USP49: variants seen among roughly 807,000 people sequenced by gnomAD.
The protein encoded by USP49 is ubiquitin specific peptidase 49.
Under a neutral mutation model 58.6 loss-of-function variants are expected in USP49, and 24 were observed. That is an observed-to-expected ratio of 0.41 (90% CI 0.30 to 0.58). The LOEUF (loss-of-function observed/expected upper bound fraction) is 0.58. Among genes scored for constraint, USP49 ranks in the 20% least tolerant of loss-of-function variants. The pLI is 0.30. For missense variants in USP49, 703 were observed against 866.1 expected, an observed-to-expected ratio of 0.81 and a Z score of 2.36; for synonymous variants, 408 against 365.1, an observed-to-expected ratio of 1.12 and a Z score of -1.34.
intron 3 of USP49, among the ~76,000 whole-genome samples, chr6:41,850,445 A>C (rs1206481917): frequency 2.7e-5 from 4 of 150,864 alleles, no homozygotes; most frequent in Non-Finnish European, 4.4e-5. Context: ...TCAGCCTCTA[A>C]GGAAAGAAAA....
Position 41,802,448 on chromosome 6 carries a change from A to ATTTTTT in USP49, c.1561+1357_1561+1358insAAAAAA, listed in dbSNP as rs1363216201. On this transcript the variant is annotated intron_variant, in intron 5 of 7. Coordinates refer to ENST00000682992, the MANE Select transcript of USP49 (RefSeq NM_001286554.2). The stretch of plus-strand genomic sequence containing the variant: ...TTTTATTTTATTTATTTATTTATTT[A>ATTTTTT]TTTATTTATTTATTTATTTATTTTT... 1.1e-4 allele frequency among the ~76,000 whole-genome samples: 6 copies of ATTTTTT among 53,334 alleles called. 1 individual carries two copies. Among genetic ancestry groups the ATTTTTT allele is most frequent in the South Asian group, 6.7e-4 (1 of 1,490 alleles). 35.0% of individuals were successfully genotyped at this position (53,334 alleles called of 152,430 possible).
At chr6:41,814,387 AT>A (rs1773312778) in intron 3 of USP49, among the ~76,000 whole-genome samples, 1 of 152,188 alleles carries the variant, frequency 6.6e-6, no homozygotes, top group Non-Finnish European at 1.5e-5. Context: ...TCTTTTCAAC[AT>A]TTATCTTTTG....
intron 3 of USP49, among the ~76,000 whole-genome samples, chr6:41,821,126 T>TA (rs1322866648): frequency 6.6e-6 from 1 of 152,226 alleles, no homozygotes; most frequent in African/African-American, 2.4e-5. Context: ...GGTTATGAGA[T>TA]ACTCTTCATT....
chr6:41,838,101 G>A (rs539100469), intron 3 of USP49, among the ~76,000 whole-genome samples: 1 of 152,148 alleles, frequency 6.6e-6, no homozygotes, highest in Admixed American at 6.5e-5. Flanking sequence ...CCCATTATTG[G>A]TTATATACCC....
intron 3 of USP49, among the ~76,000 whole-genome samples, chr6:41,838,477 GGGCC>G (rs758791351): frequency 1.3e-5 from 2 of 152,296 alleles, no homozygotes; most frequent in Non-Finnish European, 1.5e-5. Context: ...AACCAGCCCA[GGGCC>G]TGGTAGCTCC....
chr6:41,810,546 T>A (rs1581996531), intron 3 of USP49, among the ~76,000 whole-genome samples: 1 of 48,456 alleles, frequency 2.1e-5, no homozygotes. Flanking sequence ...TAAAGATAGT[T>A]CCTCTTTTTT....
rs1022119894 is a variant in USP49, at chr6:41,791,806, T to G, written c.*4727A>C. The stretch of plus-strand genomic sequence containing the variant: ...GGCCCAACAGAACAGTTACTAAATG[T>G]AAGATACAAACTAAACTCACAGTCA... On this transcript the variant is annotated 3_prime_UTR_variant, in exon 8 of 8. Coordinates refer to ENST00000682992, the MANE Select transcript of USP49 (RefSeq NM_001286554.2). The G allele has an allele frequency of 6.6e-6, 1 of 152,232 alleles. No homozygotes were observed. 9.4% of individuals were successfully genotyped at this position (152,232 alleles called of 1,614,324 possible). A position where few individuals can be genotyped will look rare whatever the true frequency, so the allele number is the denominator to read the frequency against.
At chr6:41,866,101 T>C (rs993813131) in intron 3 of USP49, among the ~76,000 whole-genome samples, 4 of 151,754 alleles carry the variant, frequency 2.6e-5, no homozygotes, top group African/African-American at 7.3e-5. Context: ...TTTGTATTTT[T>C]AGTAGAGACA....
At chr6:41,892,115 T>C (rs1052406139) in intron 1 of USP49, among the ~76,000 whole-genome samples, 3 of 152,204 alleles carry the variant, frequency 2.0e-5, no homozygotes, top group Non-Finnish European at 2.9e-5. Context: ...GACTGAGAAA[T>C]AACCATTGAC....
chr6:41,838,583 T>C (rs1436506554), intron 3 of USP49, among the ~76,000 whole-genome samples: 1 of 152,190 alleles, frequency 6.6e-6, no homozygotes, highest in African/African-American at 2.4e-5. Flanking sequence ...GAGCACCACA[T>C]CAAGGGATCA....
At chr6:41,840,675 C>T (rs896226786) in intron 3 of USP49, among the ~76,000 whole-genome samples, 6 of 152,164 alleles carry the variant, frequency 3.9e-5, no homozygotes, top group African/African-American at 1.2e-4. Flanking sequence ...TAAACTATTG[C>T]TATTTTTGTT....
At chr6:41,809,775 C>T (rs181222821) in intron 3 of USP49, among the ~76,000 whole-genome samples, 44 of 151,610 alleles carry the variant, frequency 2.9e-4, no homozygotes, top group Non-Finnish European at 5.2e-4. Context: ...TGCAGTGAGC[C>T]GAGATTGCGC....
Position 41,791,182 on chromosome 6 carries a change from A to G in USP49, c.*5351T>C, listed in dbSNP as rs1329958315. On this transcript the variant is annotated 3_prime_UTR_variant, in exon 8 of 8. Transcript: ENST00000682992. The stretch of plus-strand genomic sequence containing the variant: ...AAAAGCATAATTCAAATTTCATTCA[A>G]AATTTACTGTTTTGGCTTCAAGTAA... 6.6e-6 allele frequency: 1 copy of G among 152,272 alleles called. No individual in the cohort carries two copies. Among genetic ancestry groups the G allele is most frequent in the Non-Finnish European group, 1.5e-5 (1 of 68,044 alleles). The allele number at this position is 152,272 out of a possible 1,614,324, so 9.4% of individuals were successfully genotyped here.
At chr6:41,797,190 G>A (rs1172828373) in intron 7 of USP49, among the ~76,000 whole-genome samples, 1 of 152,058 alleles carries the variant, frequency 6.6e-6, no homozygotes, top group African/African-American at 2.4e-5. Context: ...TCGACCTCCT[G>A]ACCTCGTGAT....
intron 3 of USP49, among the ~76,000 whole-genome samples, chr6:41,822,613 C>T (rs1177977819): frequency 6.6e-6 from 1 of 152,034 alleles, no homozygotes; most frequent in Non-Finnish European, 1.5e-5. Flanking sequence ...TTTGGGAGGC[C>T]GACGTGGGCG....
At chr6:41,877,287 T>C (rs1163865120) in intron 2 of USP49, among the ~76,000 whole-genome samples, 1 of 152,208 alleles carries the variant, frequency 6.6e-6, no homozygotes, top group Non-Finnish European at 1.5e-5. Context: ...TTGACTACGA[T>C]TCAGAATAAT....
chr6:41,891,777 G>A lies in USP49; in HGVS notation c.-103+17C>T, dbSNP rs1273147095. 1 of 152,164 alleles carries A rather than the reference G, an allele frequency of 6.6e-6. No homozygotes were observed. The highest frequency in any genetic ancestry group is 1.5e-5 in the Non-Finnish European group (1 of 68,026). 9.4% of individuals were successfully genotyped at this position (152,164 alleles called of 1,614,324 possible). On this transcript the variant is annotated intron_variant, in intron 2 of 7. Transcript: ENST00000682992. The stretch of plus-strand genomic sequence containing the variant: ...GCTGAAGATTTGTTTTAAAAAATAG[G>A]ATAAATTTTTATCTACCTGGAATGA...
chr6:41,893,577 G>A (rs1774844148), intron 1 of USP49, among the ~76,000 whole-genome samples: 1 of 152,100 alleles, frequency 6.6e-6, no homozygotes, highest in South Asian at 2.1e-4. Context: ...CATCACACGA[G>A]TACACCCTAA....
intron 2 of USP49, among the ~76,000 whole-genome samples, chr6:41,885,185 T>C (rs980870330): frequency 1.8e-4 from 27 of 152,228 alleles, no homozygotes; most frequent in Admixed American, 5.9e-4. Context: ...AGCACACTGC[T>C]GGCTGCCAAC....
Sources: allele counts gnomAD v4.1 joint callset (sites outside exome capture counted in the v4.1 genomes callset), GRCh38; gene constraint gnomAD v4.1.1; transcripts MANE v1.5; gene names NCBI Gene and HGNC (gene_info 2026-07-23, HGNC 2026-07-21).